Variants in TTN observed in about 807,000 individuals in gnomAD.
The protein encoded by TTN is titin.
In TTN, 1,525 loss-of-function variants were observed where a neutral mutation model predicts 3,223.0. That is an observed-to-expected ratio of 0.47 (90% CI 0.45 to 0.49). TTN has a LOEUF of 0.49. Among genes scored for constraint, TTN ranks in the 20% least tolerant of loss-of-function variants. The probability of loss-of-function intolerance (pLI) is 0.00; values close to 1 mark genes in which losing one functional copy is unlikely to be tolerated. For missense variants in TTN, 40,786 were observed against 43,424.0 expected (o/e 0.94, Z 5.40); for synonymous variants, 14,094 against 15,161.0 (o/e 0.93, Z 5.17).
chr2:178,651,319 C>G lies in TTN; in HGVS notation c.39549G>C (p.Val13183=), dbSNP rs746892926. Residue 13183 remains valine, a splice_region_variant and synonymous_variant, in exon 208 of 363, where the codon GTG becomes GTC. Coordinates refer to ENST00000589042, the MANE Select transcript of TTN (RefSeq NM_001267550.2). ...GAACAACTTCTTTTGGAACTTCAGG[C>G]ACTTCAAATATATTAGTATTTTAAC... The part of the protein sequence containing the change: ...PKKPEAPPAK[V]PEVPKEVVPE... 1.2e-6 allele frequency: 2 copies of G among 1,612,796 alleles called. No individual in the cohort carries two copies. Among genetic ancestry groups the G allele is most frequent in the Admixed American group, 1.7e-5 (1 of 59,866 alleles).
chr2:178,710,982 T>A, intron 97 of TTN, 60 bp from the exon 98 acceptor site: 1 of 1,553,804 alleles, frequency 6.4e-7, no homozygotes, highest in Non-Finnish European at 8.7e-7. Flanking sequence ...GTCAGTTTAC[T>A]GAAATAGAAA....
chr2:178,739,270 C>T lies in TTN; in HGVS notation c.13963G>A (p.Asp4655Asn). 6.2e-7 allele frequency: 1 copy of T among 1,610,904 alleles called. No homozygotes were observed. Among genetic ancestry groups the T allele is most frequent in the Non-Finnish European group, 8.5e-7 (1 of 1,177,728 alleles). The change falls in exon 48 of 363, where the codon GAT becomes AAT. Residue 4655 changes from aspartate (D) to asparagine (N), a missense_variant. Transcript: ENST00000589042. Reference sequence around the variant, plus strand: ...ATGACTAGCGTATATGTATTTTGATCTTGTAAACACTTGAACTTTTCATCT... The same window carrying T: ...ATGACTAGCGTATATGTATTTTGATTTTGTAAACACTTGAACTTTTCATCT... ...PSDEKFKCLQ[D>N]QNTYTLVIDK...
Position 178,693,692 on chromosome 2 carries a change from T to G in TTN, c.31514-3A>C. ...AATTTCCTTTTGTACCTCGGGGACT[T>G]AAAAAAATGTACATTTTAATTACTG... On this transcript the variant is annotated splice_region_variant and splice_polypyrimidine_tract_variant and intron_variant, in intron 118 of 362. Coordinates refer to ENST00000589042, the MANE Select transcript of TTN (RefSeq NM_001267550.2). 1 of 1,587,304 alleles carries G rather than the reference T, an allele frequency of 6.3e-7. No homozygotes were observed. The highest frequency in any genetic ancestry group is 8.6e-7 in the Non-Finnish European group (1 of 1,162,956).
chr2:178,694,539 A>G, intron 117 of TTN, 60 bp downstream of exon 117: 1 of 1,230,996 alleles, frequency 8.1e-7, no homozygotes, highest in Non-Finnish European at 1.1e-6. Context: ...ATATGTACAC[A>G]TGTCCATACA....
rs2048669165 is a variant in TTN at position 178,585,246 on chromosome 2, A to G, written c.64498T>C (p.Trp21500Arg). 6.2e-7 allele frequency: 1 copy of G among 1,612,876 alleles called. No individual in the cohort carries two copies. The highest frequency in any genetic ancestry group is 1.1e-5 in the South Asian group (1 of 91,020). ...ACAACTTCATCTTCTCCTTTTTTCC[A>G]TTTACAGGTGGGATGAGGCTTTCCA... The part of the protein sequence containing the change: ...VYGKPHPTCK[W>R]KKGEDEVVTS... Residue 21500 changes from tryptophan (W) to arginine (R), a missense_variant, in exon 309 of 363, where the codon TGG becomes CGG. Trp to Arg is a moderately radical substitution (Grantham distance 101). Transcript: ENST00000589042.
Position 178,630,856 on chromosome 2 carries a change from T to C in TTN, c.44102A>G (p.Asp14701Gly). 1 of 1,613,416 alleles carries C rather than the reference T, an allele frequency of 6.2e-7. No individual in the cohort carries two copies. The highest frequency in any genetic ancestry group is 8.5e-7 in the Non-Finnish European group (1 of 1,179,516). ...TARFETEISEDDIHANWKLKG... is the reference protein window; with the variant it reads ...TARFETEISEGDIHANWKLKG... ...GAGTTTCCAGTTGGCGTGGATATCA[T>C]CTTCAGAGATTTCGGTTTCAAAGCG... Residue 14701 changes from aspartate to glycine, a missense_variant, in exon 238 of 363, where the codon GAT (aspartate) becomes GGT (glycine). Coordinates refer to ENST00000589042, the MANE Select transcript of TTN (RefSeq NM_001267550.2).
In TTN at chr2:178,725,825, A is replaced by G; in HGVS notation, c.20497T>C (p.Cys6833Arg). 6.2e-7 allele frequency: 1 copy of G among 1,612,954 alleles called. No individual in the cohort carries two copies. ...CTTCCCACTTCATTCTGTGCTTTGC[A>G]GTGGTATTCACCGATGTCTGAAGTG... Reference protein sequence around the residue: ...VDTSDIGEYHCKAQNEVGSDT... With the variant: ...VDTSDIGEYHRKAQNEVGSDT... Residue 6833 changes from cysteine to arginine, a missense_variant, in exon 70 of 363, where the codon TGC becomes CGC. Transcript: ENST00000589042.
At chr2:178,685,387 GT>G in intron 128 of TTN, 57 bp from the exon 129 acceptor site, 1 of 1,494,856 alleles carries the variant, frequency 6.7e-7, no homozygotes, top group South Asian at 1.3e-5. Flanking sequence ...TTCGATAAAA[GT>G]GTAAGGGATC....
chr2:178,577,579 C>G (rs745424132), intron 323 of TTN, 23 bp downstream of exon 323: 1 of 1,557,046 alleles, frequency 6.4e-7, no homozygotes, highest in East Asian at 2.3e-5. Context: ...AAAAAAAGTA[C>G]ATAAAAAGTA....
Position 178,733,076 on chromosome 2 carries a change from T to C in TTN, c.16100A>G (p.Asp5367Gly), listed in dbSNP as rs751854907. The C allele has an allele frequency of 3.1e-6, 5 of 1,608,444 alleles. No homozygotes were observed. Among genetic ancestry groups the C allele is most frequent in the Non-Finnish European group, 4.2e-6 (5 of 1,176,640 alleles). ...PFFTKPLRNV[D>G]SVVNGTCRLD... ...TCTGCAGGTACCATTAACAACACTATCCACGTTGCGCAAGGGTTTGGTAAA... is the reference window on the plus strand; with the variant it reads ...TCTGCAGGTACCATTAACAACACTACCCACGTTGCGCAAGGGTTTGGTAAA... The change falls in exon 55 of 363, where the codon GAT becomes GGT. Residue 5367 changes from aspartate (D) to glycine (G), a missense_variant. Physicochemically the swap from Asp to Gly is moderately conservative, Grantham distance 94 (BLOSUM62 -1). Transcript: ENST00000589042.
chr2:178,761,287 T>A lies in TTN; in HGVS notation c.10115-2115A>T, dbSNP rs372230851. ...CATCCCTTCTTTCCCTATCACAGTATCACTTCTAAAAAGTAAACCTGATCA... is the reference window on the plus strand; with the variant it reads ...CATCCCTTCTTTCCCTATCACAGTAACACTTCTAAAAAGTAAACCTGATCA... On this transcript the variant is annotated intron_variant, in intron 43 of 362. Transcript: ENST00000589042. 9.9e-5 allele frequency among the ~76,000 whole-genome samples: 15 copies of A among 152,256 alleles called. No homozygotes were observed. In the South Asian group the frequency reaches 2.9e-3, roughly 29 times the overall value.
chr2:178,750,483 G>C (rs760732590), intron 47 of TTN: 3 of 1,612,758 alleles, frequency 1.9e-6, no homozygotes, highest in Admixed American at 1.7e-5. Context: ...GTCACTATAG[G>C]TTGAGGATAT....
Position 178,598,605 on chromosome 2 carries a change from A to C in TTN, c.57012T>G (p.Ser19004=). 1 of 1,609,262 alleles carries C rather than the reference A, an allele frequency of 6.2e-7. No homozygotes were observed. Residue 19004 remains serine, a synonymous_variant, in exon 292 of 363, where the codon TCT becomes TCG. Coordinates refer to ENST00000589042, the MANE Select transcript of TTN (RefSeq NM_001267550.2). ...FPKVTDWTKS[S]ADLEWSPPLK... ...GTGGGGGAGACCACTCCAGATCTGCAGATGATTTAGTCCAATCTGTCACTT... is the reference window on the plus strand; with the variant it reads ...GTGGGGGAGACCACTCCAGATCTGCCGATGATTTAGTCCAATCTGTCACTT...
In TTN at chr2:178,677,194, G is replaced by A. The variant is rs1326255274; in HGVS notation, c.34378+7C>T. On this transcript the variant is annotated splice_region_variant and intron_variant, in intron 147 of 362. Transcript: ENST00000589042. ...GAACAATGTGTATTCACTTTGGGGA[G>A]GTGTACCTTTGGGTGGTGGTGGAGG... 2.4e-6 allele frequency: 3 copies of A among 1,224,570 alleles called. No homozygotes were observed. The South Asian group carries it at 1.2e-4, about 51-fold the overall frequency. 75.9% of individuals were successfully genotyped at this position (1,224,570 alleles called of 1,614,324 possible).
intron 163 of TTN, 88 bp from the exon 164 acceptor site, chr2:178,665,879 T>C: frequency 1.7e-6 from 1 of 599,026 alleles, no homozygotes; most frequent in Non-Finnish European, 2.4e-6. Context: ...ACATTCCAGA[T>C]GGGAACCTTC....
rs765024921 is a variant in TTN at position 178,576,928 on chromosome 2, C to G, written c.69407G>C (p.Arg23136Thr). 6.2e-7 allele frequency: 1 copy of G among 1,610,422 alleles called. No individual in the cohort carries two copies. The highest frequency in any genetic ancestry group is 8.5e-7 in the Non-Finnish European group (1 of 1,178,000). The change falls in exon 324 of 363, where the codon AGA (arginine) becomes ACA (threonine). Residue 23136 changes from arginine to threonine, a missense_variant. By Grantham distance (71) the Arg-to-Thr change is moderately conservative. Transcript: ENST00000589042. The surrounding 1 kb of genome is among the most constrained non-coding windows in gnomAD (Gnocchi z 4.3). ...VQSEPVKMVD[R>T]FGPPGPPEKP... ...CCCTCACATGCTCTACATACCAAAT[C>G]TGTCTACCATTTTGACAGGTTCAGA... is the stretch of plus-strand genomic sequence containing the variant.
Position 178,673,651 on chromosome 2 carries a change from C to G in TTN, c.34768G>C (p.Glu11590Gln), listed in dbSNP as rs764974634. The stretch of plus-strand genomic sequence containing the variant: ...GATATACCTTTAGCTGGTGGTGCCT[C>G]CACTTTTTTAGGAACAGGAGTAGGT... Reference protein sequence around the residue: ...EAPTPVPKKVEAPPAKVSKKI... With the variant: ...EAPTPVPKKVQAPPAKVSKKI... Residue 11590 changes from glutamate (E) to glutamine (Q), a missense_variant, in exon 152 of 363, where the codon GAG becomes CAG. Coordinates refer to ENST00000589042, the MANE Select transcript of TTN (RefSeq NM_001267550.2). 3.1e-5 allele frequency: 49 copies of G among 1,594,176 alleles called. 1 individual carries two copies. The South Asian group carries it at 5.3e-4, about 17-fold the overall frequency.
In TTN at chr2:178,684,707, G is replaced by T. The variant is rs1331215689; in HGVS notation, c.32597C>A (p.Pro10866His). The change falls in exon 131 of 363, where the codon CCT (proline) becomes CAT (histidine). Residue 10866 changes from proline to histidine, a missense_variant. Physicochemically the swap from Pro to His is moderately conservative, Grantham distance 77. Coordinates refer to ENST00000589042, the MANE Select transcript of TTN (RefSeq NM_001267550.2). Reference sequence around the variant, plus strand: ...TTCTTCCATCTTAATGACTTTTGGAGGAACCTTTTTTTCTGGAACTGGTTT... The same window carrying T: ...TTCTTCCATCTTAATGACTTTTGGATGAACCTTTTTTTCTGGAACTGGTTT... ...PKKPVPEKKV[P>H]PKVIKMEEPL... is the part of the protein sequence containing the mutation. The T allele has an allele frequency of 5.0e-6, 8 of 1,613,488 alleles. No individual in the cohort carries two copies. Among genetic ancestry groups the T allele is most frequent in the Non-Finnish European group, 6.8e-6 (8 of 1,179,680 alleles).
Position 178,534,739 on chromosome 2 carries a change from T to A in TTN, c.101876A>T (p.Glu33959Val). 1 of 1,613,806 alleles carries A rather than the reference T, an allele frequency of 6.2e-7. No individual in the cohort carries two copies. The highest frequency in any genetic ancestry group is 8.5e-7 in the Non-Finnish European group (1 of 1,179,782). ...TRRSSTIKII[E>V]FGQARQLKPG... is the part of the protein sequence containing the mutation. Reference sequence around the variant, plus strand: ...TTTCAGCTGACGGGCTTGACCAAATTCTATGATTTTAATGGTAGAGCTTCT... The same window carrying A: ...TTTCAGCTGACGGGCTTGACCAAATACTATGATTTTAATGGTAGAGCTTCT... The change falls in exon 358 of 363, where the codon GAA becomes GTA. Residue 33959 changes from glutamate to valine, a missense_variant. Transcript: ENST00000589042.
Sources: allele counts gnomAD v4.1 joint callset (sites outside exome capture counted in the v4.1 genomes callset), GRCh38; gene constraint gnomAD v4.1.1; non-coding constraint Gnocchi (gnomAD v3.1); transcripts MANE v1.5; gene names NCBI Gene and HGNC (gene_info 2026-07-23, HGNC 2026-07-21).